IL18BP: variants seen among roughly 807,000 people sequenced by gnomAD.
IL18BP encodes the protein interleukin-18-binding protein.
Under a neutral mutation model 19.9 loss-of-function variants are expected in IL18BP, and 23 were observed. The observed-to-expected ratio is 1.15, with a 90% CI of 0.83 to 1.64. The LOEUF is 1.64. Ranked by LOEUF, IL18BP falls within the 40% of genes most tolerant of loss-of-function variation. The pLI is 0.00. For synonymous variants in IL18BP, 107 were observed against 101.0 expected (o/e 1.06, Z -0.35); for missense variants, 239 against 240.7 (o/e 0.99, Z 0.05).
downstream of IL18BP, chr11:72,003,915 A>G (rs1237235990): frequency 3.7e-6 from 6 of 1,613,326 alleles, no homozygotes; most frequent in African/African-American, 2.7e-5. Flanking sequence ...GGTGGCACCA[A>G]TGGCGGCAGC....
chr11:72,003,690 G>A, downstream of IL18BP: 1 of 1,051,424 alleles, frequency 9.5e-7, no homozygotes, highest in Non-Finnish European at 1.4e-6. Context: ...TGCCTGAGCA[G>A]CTCTGGGTGC....
rs1955146018 is a variant in IL18BP, at chr11:72,000,349, A to G, written c.29-2A>G. 6.2e-7 allele frequency: 1 copy of G among 1,613,328 alleles called. No homozygotes were observed. The highest frequency in any genetic ancestry group is 1.3e-5 in the African/African-American group (1 of 74,888). ...GCTGACCTGTAACTGTCCTTTCCTCAGACCTCAGCCCTTTGTGGGTCCTGC... is the reference window on the plus strand; with the variant it reads ...GCTGACCTGTAACTGTCCTTTCCTCGGACCTCAGCCCTTTGTGGGTCCTGC... On this transcript the variant is annotated splice_acceptor_variant, in intron 2 of 5. Transcript: ENST00000393703. LOFTEE classifies it high-confidence loss of function.
downstream of IL18BP, chr11:72,006,286 T>C: frequency 1.2e-6 from 2 of 1,601,880 alleles, no homozygotes; most frequent in South Asian, 1.1e-5. Context: ...GTGAATCTGT[T>C]GCAGTGTACA....
chr11:72,004,319 A>T, downstream of IL18BP: 1 of 1,613,040 alleles, frequency 6.2e-7, no homozygotes, highest in Non-Finnish European at 8.5e-7. Context: ...GGGGCGTGGG[A>T]AACAGCTGGT....
downstream of IL18BP, chr11:72,006,279 A>G: frequency 6.2e-7 from 1 of 1,610,696 alleles, no homozygotes; most frequent in African/African-American, 1.3e-5. Context: ...AGACAGAGTG[A>G]ATCTGTTGCA....
At chr11:72,006,225 C>T (rs763350835), downstream of IL18BP, 32 of 1,614,040 alleles carry the variant, frequency 2.0e-5, no homozygotes, top group African/African-American at 2.7e-5. Context: ...TGCTGTAGAA[C>T]GATGAGTTGG....
In IL18BP at chr11:72,002,078, T is replaced by C. The variant is rs528441291; in HGVS notation, c.*217T>C. On this transcript the variant is annotated 3_prime_UTR_variant, in exon 6 of 6. Transcript: ENST00000393703. The stretch of plus-strand genomic sequence containing the variant: ...CTTATAATGCCTCCTCCTCCTGCCA[T>C]TCTCTCTCCACCTATCCATTAGCCT... The C allele has an allele frequency of 1.2e-5, 8 of 653,526 alleles. No individual in the cohort carries two copies. Among genetic ancestry groups the C allele is most frequent in the Admixed American group, 8.4e-5 (3 of 35,540 alleles). The allele number at this position is 653,526 out of a possible 1,614,324, so 40.5% of individuals were successfully genotyped here. A position where few individuals can be genotyped will look rare whatever the true frequency, so the allele number is the denominator to read the frequency against.
chr11:72,006,750 C>A (rs554340861), downstream of IL18BP, among the ~76,000 whole-genome samples: 9 of 152,328 alleles, frequency 5.9e-5, no homozygotes, highest in East Asian at 1.7e-3. Context: ...ACACAGGTCC[C>A]CCCTGCTGTA....
At chr11:72,007,394 C>T, downstream of IL18BP, 1 of 1,613,828 alleles carries the variant, frequency 6.2e-7, no homozygotes, top group Non-Finnish European at 8.5e-7. Flanking sequence ...GGCTGGTTCT[C>T]CAGGGACGCT....
At chr11:72,003,709 A>G (rs947169280), downstream of IL18BP, 23 of 995,676 alleles carry the variant, frequency 2.3e-5, no homozygotes, top group Non-Finnish European at 3.4e-5. Flanking sequence ...GCTCTCCATG[A>G]GAATGGGGCC....
At chr11:72,002,997 G>A (rs2134279955), downstream of IL18BP, 1 of 235,426 alleles carries the variant, frequency 4.2e-6, no homozygotes, top group African/African-American at 2.2e-5. Context: ...GTGAGCTGCT[G>A]CTGAAGGCTG....
Position 72,002,193 on chromosome 11 carries a change from C to T in IL18BP, c.*332C>T. 2.9e-6 allele frequency: 1 copy of T among 347,698 alleles called. No individual in the cohort carries two copies. The highest frequency in any genetic ancestry group is 5.2e-6 in the Non-Finnish European group (1 of 190,628). The allele number at this position is 347,698 out of a possible 1,614,324, so 21.5% of individuals were successfully genotyped here. On this transcript the variant is annotated 3_prime_UTR_variant, in exon 6 of 6. Coordinates refer to ENST00000393703, the MANE Select transcript of IL18BP (RefSeq NM_001039660.2). ...GCCTTGCACTCCAGGGCCCTACCTGCATTTCCCACATGACTTTCTGGAAGC... is the reference window on the plus strand; with the variant it reads ...GCCTTGCACTCCAGGGCCCTACCTGTATTTCCCACATGACTTTCTGGAAGC...
At chr11:72,003,901 G>T (rs558707315), downstream of IL18BP, 29 of 1,613,670 alleles carry the variant, frequency 1.8e-5, no homozygotes, top group Non-Finnish European at 2.3e-5. Context: ...CCCTTGGCTC[G>T]AGGGGTGGCA....
downstream of IL18BP, chr11:72,004,612 A>G (rs923597895): frequency 1.9e-6 from 3 of 1,605,400 alleles, no homozygotes; most frequent in Non-Finnish European, 2.5e-6. Context: ...ACAGTGCTGG[A>G]GTAACACCCA....
At position 72,001,527 on chromosome 11, in the gene IL18BP, G is replaced by A. The variant is rs200480287; in HGVS notation, c.482G>A (p.Arg161His). Residue 161 changes from arginine to histidine, a missense_variant, in exon 5 of 6, where the codon CGT (arginine) becomes CAT (histidine). Transcript: ENST00000393703. Reference sequence around the variant, plus strand: ...GTGGACCCTGAACAGGTTGTCCAGCGTCACGTCGTCCTGGCCCAGCTCTGG... The same window carrying A: ...GTGGACCCTGAACAGGTTGTCCAGCATCACGTCGTCCTGGCCCAGCTCTGG... ...VLVDPEQVVQ[R>H]HVVLAQLWAG... is the part of the protein sequence containing the mutation. 28 of 1,613,106 alleles carry A rather than the reference G, an allele frequency of 1.7e-5. No homozygotes were observed. Among genetic ancestry groups the A allele is most frequent in the Middle Eastern group, 1.6e-4 (1 of 6,078 alleles).
At chr11:72,001,382 C>T (rs1955226107) in intron 4 of IL18BP, 23 bp from the exon 5 acceptor site, 2 of 1,614,160 alleles carry the variant, frequency 1.2e-6, no homozygotes, top group Non-Finnish European at 1.7e-6. Flanking sequence ...CTTCTCATGA[C>T]CTTTCCTTCC....
In IL18BP at chr11:72,001,832, A is replaced by G. The variant is rs1955268084; in HGVS notation, c.556A>G (p.Ser186Gly). 1 of 1,613,974 alleles carries G rather than the reference A, an allele frequency of 6.2e-7. No homozygotes were observed. The highest frequency in any genetic ancestry group is 1.3e-5 in the African/African-American group (1 of 74,886). ...LPPTQEALPSSHSSPQQQG is the reference protein window; with the variant it reads ...LPPTQEALPSGHSSPQQQG ...CCCCACCCAAGAAGCCCTGCCCTCCAGCCACAGCAGTCCACAGCAGCAGGG... is the reference window on the plus strand; with the variant it reads ...CCCCACCCAAGAAGCCCTGCCCTCCGGCCACAGCAGTCCACAGCAGCAGGG... Residue 186 changes from serine to glycine, a missense_variant, in exon 6 of 6, where the codon AGC becomes GGC. Transcript: ENST00000393703.
At chr11:72,005,163 C>G, downstream of IL18BP, 2 of 1,479,290 alleles carry the variant, frequency 1.4e-6, no homozygotes, top group East Asian at 2.5e-5. Context: ...AGTGCTCAGG[C>G]TAGATCAGCA....
At chr11:72,000,240 C>G in intron 2 of IL18BP, 111 bp from the exon 3 acceptor site, 1 of 1,049,826 alleles carries the variant, frequency 9.5e-7, no homozygotes, top group Non-Finnish European at 1.5e-6. Context: ...TCCCTCTTCC[C>G]GCTCTGATTC....
Sources: gnomAD v4.1 joint callset for allele counts (sites outside exome capture counted in the v4.1 genomes callset) on GRCh38, gnomAD v4.1.1 for gene constraint, MANE v1.5 for transcripts, NCBI Gene and HGNC (gene_info 2026-07-23, HGNC 2026-07-21) for gene names.